Variants in SATB1 observed in about 807,000 individuals in gnomAD.
SATB1 encodes DNA-binding protein SATB1.
A neutral mutation model predicts 86.9 loss-of-function variants in SATB1; 11 were observed. That is an observed-to-expected ratio of 0.13 (90% CI 0.08 to 0.21). The LOEUF (loss-of-function observed/expected upper bound fraction) is 0.21. Among genes scored for constraint, SATB1 ranks in the 10% least tolerant of loss-of-function variants. SATB1 has a pLI of 1.00. For missense variants in SATB1, 551 were observed against 937.6 expected (o/e 0.59, Z 5.39); for synonymous variants, 357 against 357.2 (o/e 1.00, Z 0.01).
intron 9 of SATB1, among the ~76,000 whole-genome samples, chr3:18,377,077 GC>G (rs1358394177): frequency 6.6e-6 from 1 of 152,016 alleles, no homozygotes; most frequent in Non-Finnish European, 1.5e-5. Flanking sequence ...TTCTTCTAAA[GC>G]AAAACTCCTG....
At chr3:18,402,834 G>C (rs539387752) in intron 5 of SATB1, among the ~76,000 whole-genome samples, 1 of 152,210 alleles carries the variant, frequency 6.6e-6, no homozygotes, top group East Asian at 1.9e-4. Context: ...AAAGCTTTCA[G>C]GCTCCATCAG....
intron 7 of SATB1, among the ~76,000 whole-genome samples, chr3:18,390,120 T>C (rs1462266869): frequency 6.6e-6 from 1 of 152,160 alleles, no homozygotes; most frequent in Admixed American, 6.5e-5. Flanking sequence ...ATTATCAGTA[T>C]TTCCAAAAGC....
At chr3:18,365,437 T>A (rs796775129) in intron 9 of SATB1, among the ~76,000 whole-genome samples, 3 of 151,858 alleles carry the variant, frequency 2.0e-5, no homozygotes, top group African/African-American at 7.2e-5. Context: ...GGCACAAGCA[T>A]TGGATGTGCG....
At chr3:18,381,430 T>C (rs1203861575) in intron 8 of SATB1, among the ~76,000 whole-genome samples, 1 of 152,222 alleles carries the variant, frequency 6.6e-6, no homozygotes, top group Non-Finnish European at 1.5e-5. Flanking sequence ...ATTGTATTAA[T>C]GTATATTAAC....
upstream of SATB1, among the ~76,000 whole-genome samples, chr3:18,439,269 G>A (rs541837203): frequency 2.0e-5 from 3 of 152,062 alleles, no homozygotes; most frequent in Non-Finnish European, 4.4e-5. Flanking sequence ...TTAGAATTTC[G>A]CTTCTGAACT....
chr3:18,440,872 T>C (rs78268499), upstream of SATB1, among the ~76,000 whole-genome samples: 9,508 of 152,242 alleles, frequency 0.062, 445 homozygotes, highest in African/African-American at 0.13. Flanking sequence ...TAAAAATGAA[T>C]ACTTAATATA....
chr3:18,358,277 AT>A (rs1402095736), intron 9 of SATB1, among the ~76,000 whole-genome samples: 2 of 151,996 alleles, frequency 1.3e-5, no homozygotes, highest in East Asian at 3.9e-4. Context: ...GTCTTAAGAT[AT>A]TGTTCTTTAC....
intron 5 of SATB1, among the ~76,000 whole-genome samples, chr3:18,408,257 C>A (rs1697647625): frequency 6.6e-6 from 1 of 151,944 alleles, no homozygotes. Flanking sequence ...GCCACCTTCT[C>A]TGCCATGAGG....
At chr3:18,356,381 T>C (rs1004754030) in intron 9 of SATB1, among the ~76,000 whole-genome samples, 42 of 146,474 alleles carry the variant, frequency 2.9e-4, no homozygotes, top group African/African-American at 9.6e-4. Flanking sequence ...TTCTTTTGAC[T>C]GGTTTTGGTT....
chr3:18,431,031 TC>T (rs1214583981), intron 2 of SATB1, among the ~76,000 whole-genome samples: 1 of 152,134 alleles, frequency 6.6e-6, no homozygotes, highest in East Asian at 1.9e-4. Flanking sequence ...TGGAAAAAAA[TC>T]TTTTAGCTAC....
At chr3:18,390,903 G>A (rs1696627277) in intron 7 of SATB1, among the ~76,000 whole-genome samples, 1 of 152,170 alleles carries the variant, frequency 6.6e-6, no homozygotes, top group South Asian at 2.1e-4. Flanking sequence ...GAAGTGAATT[G>A]AAAAGTAGAA....
At chr3:18,441,860 T>C (rs964168350), upstream of SATB1, among the ~76,000 whole-genome samples, 3 of 152,174 alleles carry the variant, frequency 2.0e-5, no homozygotes, top group African/African-American at 7.2e-5. Context: ...TCACTCAGCA[T>C]ATCATGTCTT....
chr3:18,399,785 T>C (rs9310565), intron 5 of SATB1, among the ~76,000 whole-genome samples: 129,806 of 152,164 alleles, frequency 0.85, 55,508 homozygotes, highest in East Asian at 0.94. Context: ...CCCTATCTTT[T>C]TGTGCTTTTG....
chr3:18,419,602 T>G (rs937671000), intron 2 of SATB1, among the ~76,000 whole-genome samples: 1 of 152,212 alleles, frequency 6.6e-6, no homozygotes, highest in African/African-American at 2.4e-5. Context: ...GTCTTTTTTA[T>G]ACAGCCCCAG....
rs1052692364 is a variant in SATB1, at chr3:18,345,413, T to A, written c.*3757A>T. The A allele has an allele frequency of 6.6e-6, 1 of 152,130 alleles. No individual in the cohort carries two copies. The highest frequency in any genetic ancestry group is 1.5e-5 in the Non-Finnish European group (1 of 67,952). The allele number at this position is 152,130 out of a possible 1,614,324, so 9.4% of individuals were successfully genotyped here. On this transcript the variant is annotated 3_prime_UTR_variant, in exon 11 of 11. Transcript: ENST00000338745. ...AATTTCAAACTATTTTTATTTAACA[T>A]TTGGTATTGTTAAACAGGTATAGTA...
In SATB1 at chr3:18,403,703, T is replaced by C. The variant is rs180747228; in HGVS notation, c.640-6413A>G. Among the ~76,000 whole-genome samples, 33 of 152,220 alleles carry C rather than the reference T, an allele frequency of 2.2e-4. 1 individual carries two copies. Among genetic ancestry groups the C allele is most frequent in the Middle Eastern group, 6.8e-3 (2 of 294 alleles). ...CTATGCATGGTGATGTATAAAGCCC[T>C]ACAGTTAATTTTCAGGGATGGAACA... On this transcript the variant is annotated intron_variant, in intron 5 of 10. Coordinates refer to ENST00000338745, the MANE Select transcript of SATB1 (RefSeq NM_002971.6).
intron 7 of SATB1, among the ~76,000 whole-genome samples, chr3:18,388,368 G>A (rs972820962): frequency 1.3e-5 from 2 of 151,984 alleles, no homozygotes; most frequent in South Asian, 4.2e-4. Flanking sequence ...AATAACCCTT[G>A]CTCTTTACTC....
At chr3:18,420,534 G>A (rs185635535) in intron 2 of SATB1, among the ~76,000 whole-genome samples, 99 of 152,278 alleles carry the variant, frequency 6.5e-4, no homozygotes, top group African/African-American at 2.3e-3. Flanking sequence ...TACCCAAAAT[G>A]TTCCATGATT....
chr3:18,421,113 G>C (rs1482039161), intron 1 of SATB1, 122 bp from the exon 2 acceptor site: 2 of 656,904 alleles, frequency 3.0e-6, no homozygotes, highest in Non-Finnish European at 5.2e-6. Context: ...TTGTAAAATG[G>C]CCTATCTAGA....
Sources: allele counts gnomAD v4.1 joint callset (sites outside exome capture counted in the v4.1 genomes callset), GRCh38; gene constraint gnomAD v4.1.1; transcripts MANE v1.5; gene names NCBI Gene and HGNC (gene_info 2026-07-23, HGNC 2026-07-21).